KLHDC4: variants seen among roughly 807,000 people sequenced by gnomAD.
The protein encoded by KLHDC4 is kelch domain-containing protein 4.
Under a neutral mutation model 62.4 loss-of-function variants are expected in KLHDC4, and 90 were observed. The ratio of observed to expected loss-of-function variants is 1.44; its 90% CI spans 1.22 to 1.72. The LOEUF is 1.72. KLHDC4 is among the 40% of genes most tolerant of loss of function. The pLI is 0.00. For missense variants in KLHDC4, 1,025 were observed against 699.7 expected (o/e 1.47, Z -5.25); for synonymous variants, 386 against 284.4 (o/e 1.36, Z -3.59).
intron 7 of KLHDC4, among the ~76,000 whole-genome samples, chr16:87,718,025 C>T (rs1487154941): frequency 6.6e-6 from 1 of 152,206 alleles, no homozygotes; most frequent in African/African-American, 2.4e-5. Flanking sequence ...TTCCGGCACA[C>T]AGCTGGCTGG....
At chr16:87,742,946 C>G (rs34499475) in intron 5 of KLHDC4, 1 of 152,204 alleles carries the variant, frequency 6.6e-6, no homozygotes, top group African/African-American at 2.4e-5. Flanking sequence ...GAAGTGACGA[C>G]GAGCACGGAG....
chr16:87,738,238 C>A (rs1044218178), intron 5 of KLHDC4, among the ~76,000 whole-genome samples: 2 of 152,150 alleles, frequency 1.3e-5, no homozygotes. Flanking sequence ...ATCATCCTGC[C>A]GAGGAGCCTT....
rs143827213 is a variant in KLHDC4 at position 87,726,964 on chromosome 16, G to A, written c.600-40C>T. The stretch of plus-strand genomic sequence containing the variant: ...AGCAGCTGTCAGGGTCCGTAACATT[G>A]GGAAAAGCCCTGACATTAAAAACTG... On this transcript the variant is annotated intron_variant, in intron 6 of 11. Coordinates refer to ENST00000270583, the MANE Select transcript of KLHDC4 (RefSeq NM_017566.4). 354 of 1,603,444 alleles carry A rather than the reference G, an allele frequency of 2.2e-4. No homozygotes were observed. In the African/African-American group the frequency reaches 3.9e-3, roughly 18 times the overall value.
chr16:87,702,263 A>G (rs547109156), exon 1 of KLHDC4: 1 of 456,226 alleles, frequency 2.2e-6, no homozygotes, highest in African/African-American at 2.0e-5. Context: ...CGCCGAGTCC[A>G]TAAAGGGCAG....
At chr16:87,728,308 G>C (rs1410648461) in intron 6 of KLHDC4, among the ~76,000 whole-genome samples, 1 of 152,238 alleles carries the variant, frequency 6.6e-6, no homozygotes, top group Non-Finnish European at 1.5e-5. Flanking sequence ...GTGGAAGCGT[G>C]TAATCTTTAA....
chr16:87,765,744 C>A, intron 1 of KLHDC4, 48 bp downstream of exon 1: 1 of 1,522,356 alleles, frequency 6.6e-7, no homozygotes, highest in Non-Finnish European at 8.9e-7. Flanking sequence ...TCGGCCGAGG[C>A]TGCACGGCCG....
chr16:87,759,217 TG>T (rs1350299033), intron 2 of KLHDC4, among the ~76,000 whole-genome samples: 1 of 151,416 alleles, frequency 6.6e-6, no homozygotes, highest in Non-Finnish European at 1.5e-5. Context: ...TGGCAAATTT[TG>T]TTAAACATTT....
At chr16:87,731,957 G>A (rs752410733) in intron 5 of KLHDC4, among the ~76,000 whole-genome samples, 4 of 152,210 alleles carry the variant, frequency 2.6e-5, no homozygotes, top group East Asian at 1.9e-4. Context: ...CCATGCACAC[G>A]AGCGTCTTAA....
rs764620036 is a variant in KLHDC4, at chr16:87,755,206, G to A, written c.357C>T (p.Arg119=). The A allele has an allele frequency of 3.7e-6, 6 of 1,608,584 alleles. No homozygotes were observed. The highest frequency in any genetic ancestry group is 4.5e-5 in the East Asian group (2 of 44,842). The change falls in exon 4 of 12, where the codon CGC becomes CGT. Residue 119 remains arginine, a synonymous_variant. Coordinates refer to ENST00000270583, the MANE Select transcript of KLHDC4 (RefSeq NM_017566.4). ...KVDIPSPPPR[R]CAHQAVVVPQ... is the part of the protein sequence containing the mutation. The stretch of plus-strand genomic sequence containing the variant: ...GTGCTGACATTACCTGGTGAGCACA[G>A]CGCCTCGGAGGTGGACTGGGGATGT...
exon 1 of KLHDC4, chr16:87,698,605 G>A (rs958073681): frequency 1.3e-5 from 2 of 152,262 alleles, no homozygotes; most frequent in African/African-American, 2.4e-5. Flanking sequence ...ACGGCCCCTT[G>A]CCTTCCAGCA....
At chr16:87,751,957 C>A (rs1440563616) in intron 4 of KLHDC4, among the ~76,000 whole-genome samples, 1 of 151,528 alleles carries the variant, frequency 6.6e-6, no homozygotes, top group Non-Finnish European at 1.5e-5. Flanking sequence ...TGCCTGTAGT[C>A]CCAGCTACTC....
chr16:87,728,771 G>T (rs894425220), intron 6 of KLHDC4, among the ~76,000 whole-genome samples: 1 of 151,978 alleles, frequency 6.6e-6, no homozygotes, highest in African/African-American at 2.4e-5. Context: ...ATGAGGTCAG[G>T]AGTTCGAGAC....
Position 87,726,923 on chromosome 16 carries a change from C to T in KLHDC4, c.601G>A (p.Asp201Asn). The T allele has an allele frequency of 2.5e-6, 4 of 1,613,724 alleles. No individual in the cohort carries two copies. Among genetic ancestry groups the T allele is most frequent in the Non-Finnish European group, 3.4e-6 (4 of 1,179,802 alleles). The change falls in exon 7 of 12, where the codon GAT (aspartate) becomes AAT (asparagine). Residue 201 changes from aspartate to asparagine, a missense_variant and splice_region_variant. Coordinates refer to ENST00000270583, the MANE Select transcript of KLHDC4 (RefSeq NM_017566.4). ...LFGGFHESTRDYIYYNDVYAF... is the reference protein window; with the variant it reads ...LFGGFHESTRNYIYYNDVYAF... Reference sequence around the variant, plus strand: ...TACACGTCGTTGTAGTAGATGTAATCCCTGGTTAGAAGAACAGCAGCTGTC... The same window carrying T: ...TACACGTCGTTGTAGTAGATGTAATTCCTGGTTAGAAGAACAGCAGCTGTC...
chr16:87,715,594 G>A (rs965451618), intron 7 of KLHDC4, among the ~76,000 whole-genome samples: 32 of 152,140 alleles, frequency 2.1e-4, no homozygotes, highest in African/African-American at 7.2e-4. Flanking sequence ...CTGTGTGGAT[G>A]GCTCAGGAGT....
intron 7 of KLHDC4, among the ~76,000 whole-genome samples, chr16:87,720,197 G>C (rs917201023): frequency 6.6e-6 from 1 of 152,372 alleles, no homozygotes; most frequent in African/African-American, 2.4e-5. Flanking sequence ...CGGCGGTGCA[G>C]TGGTAGGTAG....
At chr16:87,759,523 G>A (rs987638354) in intron 2 of KLHDC4, among the ~76,000 whole-genome samples, 4 of 152,264 alleles carry the variant, frequency 2.6e-5, no homozygotes, top group African/African-American at 4.8e-5. Flanking sequence ...GAGGTGGGTG[G>A]ATCACCTAAG....
At chr16:87,722,718 G>A (rs147712834) in intron 7 of KLHDC4, among the ~76,000 whole-genome samples, 171 of 152,378 alleles carry the variant, frequency 1.1e-3, no homozygotes, top group African/African-American at 3.7e-3. Context: ...GAGGACCATG[G>A]GGGTTCTGCA....
In KLHDC4 at chr16:87,730,661, A is replaced by T. The variant is rs9934565; in HGVS notation, c.507-17T>A. 733,152 of 1,603,176 alleles carry T rather than the reference A, an allele frequency of 0.46. 169,750 individuals are homozygous for T. Among genetic ancestry groups the T allele is most frequent in the African/African-American group, 0.58 (43,299 of 74,530 alleles). ...CCTGTTGATCTAAAATGAAATAAAC[A>T]AAAAGACACTATCAACCTGCTTAAT... is the stretch of plus-strand genomic sequence containing the variant. On this transcript the variant is annotated splice_polypyrimidine_tract_variant and intron_variant, in intron 5 of 11. Coordinates refer to ENST00000270583, the MANE Select transcript of KLHDC4 (RefSeq NM_017566.4).
chr16:87,763,485 T>C (rs558517905), intron 1 of KLHDC4: 4 of 152,024 alleles, frequency 2.6e-5, no homozygotes, highest in Admixed American at 2.6e-4. Context: ...ACACCTGTAG[T>C]CCCAAACTAC....
Sources: allele counts gnomAD v4.1 joint callset (sites outside exome capture counted in the v4.1 genomes callset), GRCh38; gene constraint gnomAD v4.1.1; transcripts MANE v1.5; gene names NCBI Gene and HGNC (gene_info 2026-07-23, HGNC 2026-07-21).